The following PLCB1 variants were observed in gnomAD, a reference collection of about 807,000 sequenced individuals.
The protein encoded by PLCB1 is phospholipase C beta 1.
PLCB1 carries 46 observed loss-of-function variants against 161.8 expected under a neutral mutation model. That is an observed-to-expected ratio of 0.28 (90% confidence interval 0.22 to 0.36). PLCB1 has a LOEUF of 0.36. Among genes scored for constraint, PLCB1 ranks in the 10% least tolerant of loss-of-function variants. The pLI, the probability that PLCB1 is intolerant of heterozygous loss-of-function variation, is 1.00. For synonymous variants in PLCB1, 517 were observed against 503.7 expected (o/e 1.03, Z -0.35); for missense variants, 1,016 against 1,472.5 (o/e 0.69, Z 5.07).
intron 4 of PLCB1, among the ~76,000 whole-genome samples, chr20:8,637,978 C>T (rs1207393564): frequency 6.6e-6 from 1 of 152,228 alleles, no homozygotes; most frequent in East Asian, 1.9e-4. Context: ...ACTGCAAGCT[C>T]TGCCTCCTGG....
chr20:8,848,456 T>G (rs1304496890), intron 31 of PLCB1, among the ~76,000 whole-genome samples: 11 of 152,100 alleles, frequency 7.2e-5, no homozygotes, highest in Admixed American at 7.2e-4. Flanking sequence ...CTATTCTAAA[T>G]CTACTTATTA....
chr20:8,504,055 CA>C (rs1198210594), intron 3 of PLCB1, among the ~76,000 whole-genome samples: 1 of 152,032 alleles, frequency 6.6e-6, no homozygotes, highest in East Asian at 1.9e-4. Context: ...AGTTAAGGAG[CA>C]TAAAGATTTT....
intron 2 of PLCB1, among the ~76,000 whole-genome samples, chr20:8,366,727 G>C (rs556928487): frequency 6.6e-6 from 1 of 152,012 alleles, no homozygotes; most frequent in Non-Finnish European, 1.5e-5. Context: ...AGCTTTGCAG[G>C]GTGTCATTAA....
intron 4 of PLCB1, among the ~76,000 whole-genome samples, chr20:8,645,559 T>C (rs1191710608): frequency 6.6e-6 from 1 of 152,202 alleles, no homozygotes. Flanking sequence ...GTAGGGATTA[T>C]GATTAGGAGA....
At chr20:8,156,007 T>A (rs577722131) in intron 2 of PLCB1, among the ~76,000 whole-genome samples, 1 of 152,274 alleles carries the variant, frequency 6.6e-6, no homozygotes, top group East Asian at 1.9e-4. Flanking sequence ...TCCTTGAATT[T>A]CCTTCACCAG....
At chr20:8,692,873 T>C (rs375044520) in intron 10 of PLCB1, among the ~76,000 whole-genome samples, 1 of 152,132 alleles carries the variant, frequency 6.6e-6, no homozygotes, top group Admixed American at 6.5e-5. Context: ...GTAGGCATTC[T>C]TTATGCCATG....
Position 8,628,424 on chromosome 20 carries a change from T to C in PLCB1, c.377T>C (p.Val126Ala). Residue 126 changes from valine to alanine, a missense_variant, in exon 4 of 32, where the codon GTG (valine) becomes GCG (alanine). By Grantham distance (64) the Val-to-Ala change is moderately conservative. Coordinates refer to ENST00000338037, the MANE Select transcript of PLCB1 (RefSeq NM_015192.4). ...HLNLVAFQEEVAKEWTNEVFS... is the reference protein window; with the variant it reads ...HLNLVAFQEEAAKEWTNEVFS... ...AATCTCGTGGCTTTCCAAGAAGAAGTGGCCAAGGTATGGTGGATGGAAATT... is the reference window on the plus strand; with the variant it reads ...AATCTCGTGGCTTTCCAAGAAGAAGCGGCCAAGGTATGGTGGATGGAAATT... The C allele has an allele frequency of 6.2e-7, 1 of 1,614,038 alleles. No individual in the cohort carries two copies. The highest frequency in any genetic ancestry group is 1.1e-5 in the South Asian group (1 of 91,078).
rs1978831660 is a variant in PLCB1 at position 8,708,759 on chromosome 20, A to G, written c.1250+7A>G. ...TTGAGAACCATGTGGATTCGTAAGT[A>G]TTCAACACATTCAGGAATGAGTCTT... On this transcript the variant is annotated splice_region_variant and intron_variant, in intron 12 of 31. Transcript: ENST00000338037. 6.4e-7 allele frequency: 1 copy of G among 1,559,366 alleles called. No homozygotes were observed. Among genetic ancestry groups the G allele is most frequent in the Non-Finnish European group, 8.8e-7 (1 of 1,130,544 alleles).
intron 3 of PLCB1, among the ~76,000 whole-genome samples, chr20:8,432,101 A>G (rs1288571817): frequency 6.6e-6 from 1 of 152,120 alleles, no homozygotes; most frequent in Non-Finnish European, 1.5e-5. Flanking sequence ...TCAGCTGAAG[A>G]CAGGGGTCCT....
chr20:8,160,546 G>T (rs1184075756), intron 2 of PLCB1, among the ~76,000 whole-genome samples: 1 of 152,220 alleles, frequency 6.6e-6, no homozygotes, highest in Non-Finnish European at 1.5e-5. Context: ...TCAGCCAAGA[G>T]AAAAGGGCTT....
At chr20:8,679,751 A>T (rs968244642) in intron 9 of PLCB1, among the ~76,000 whole-genome samples, 1 of 152,230 alleles carries the variant, frequency 6.6e-6, no homozygotes. Context: ...GTCCAATGGC[A>T]TACTGATTTA....
intron 12 of PLCB1, among the ~76,000 whole-genome samples, chr20:8,713,969 C>T (rs567308067): frequency 3.0e-4 from 46 of 152,154 alleles, no homozygotes; most frequent in Admixed American, 1.4e-3. Flanking sequence ...AATATGGTTC[C>T]CTGGAAAATC....
chr20:8,183,515 G>A (rs1175977029), intron 2 of PLCB1, among the ~76,000 whole-genome samples: 1 of 152,138 alleles, frequency 6.6e-6, no homozygotes, highest in African/African-American at 2.4e-5. Context: ...TGCCATGCCA[G>A]TCACAGTGTT....
intron 27 of PLCB1, among the ~76,000 whole-genome samples, chr20:8,787,248 T>C (rs1175880785): frequency 6.6e-6 from 1 of 152,160 alleles, no homozygotes; most frequent in Non-Finnish European, 1.5e-5. Context: ...CAGATTGAAT[T>C]CCAAGTTCCA....
chr20:8,839,267 C>T (rs561855888), intron 31 of PLCB1, among the ~76,000 whole-genome samples: 3 of 152,298 alleles, frequency 2.0e-5, no homozygotes, highest in South Asian at 2.1e-4. Flanking sequence ...TAAGATATTG[C>T]ATCTTGCCCC....
chr20:8,159,098 C>T (rs965379810), intron 2 of PLCB1, among the ~76,000 whole-genome samples: 2 of 152,202 alleles, frequency 1.3e-5, no homozygotes, highest in Non-Finnish European at 2.9e-5. Context: ...TTCCCTTCTG[C>T]ACTGCCCTAG....
chr20:8,187,733 T>G (rs1274251698), intron 2 of PLCB1, among the ~76,000 whole-genome samples: 2 of 152,270 alleles, frequency 1.3e-5, no homozygotes, highest in East Asian at 3.9e-4. Context: ...ATTTTTATGA[T>G]GGATGAGTTC....
intron 3 of PLCB1, among the ~76,000 whole-genome samples, chr20:8,419,355 A>T (rs1394481737): frequency 1.3e-5 from 2 of 152,198 alleles, no homozygotes; most frequent in Admixed American, 6.5e-5. Flanking sequence ...AGGACAGACC[A>T]ATAAACAGCA....
intron 31 of PLCB1, among the ~76,000 whole-genome samples, chr20:8,826,363 C>G (rs1037120040): frequency 6.6e-6 from 1 of 151,964 alleles, no homozygotes; most frequent in African/African-American, 2.4e-5. Flanking sequence ...GGCGTGGTGG[C>G]AGGCGCCTGT....
Sources: gnomAD v4.1 joint callset for allele counts (sites outside exome capture counted in the v4.1 genomes callset) on GRCh38, gnomAD v4.1.1 for gene constraint, MANE v1.5 for transcripts, NCBI Gene and HGNC (gene_info 2026-07-23, HGNC 2026-07-21) for gene names.